Variants in PRDM5 observed in about 807,000 individuals in gnomAD.
The protein encoded by PRDM5 is PR/SET domain 5.
In PRDM5, 56 loss-of-function variants were observed where a neutral mutation model predicts 81.2. The observed-to-expected ratio is 0.69, with a 90% CI of 0.56 to 0.86. The LOEUF (loss-of-function observed/expected upper bound fraction) is 0.86, where lower values mean the gene tolerates loss of function less well. Ranked by LOEUF, PRDM5 falls within the 40% of genes least tolerant of loss-of-function variation. The probability of loss-of-function intolerance (pLI) is 0.00; values close to 1 mark genes in which losing one functional copy is unlikely to be tolerated. For missense variants in PRDM5, 697 were observed against 770.1 expected (o/e 0.91, Z 1.12); for synonymous variants, 267 against 256.4 (o/e 1.04, Z -0.39).
At chr4:120,848,875 G>A (rs540542720) in intron 3 of PRDM5, among the ~76,000 whole-genome samples, 13 of 152,106 alleles carry the variant, frequency 8.5e-5, no homozygotes, top group African/African-American at 2.9e-4. Flanking sequence ...AGACCTTACT[G>A]GAAGATAACC....
intron 8 of PRDM5, among the ~76,000 whole-genome samples, chr4:120,802,464 G>A (rs1023324187): frequency 6.6e-6 from 1 of 152,218 alleles, no homozygotes; most frequent in African/African-American, 2.4e-5. Context: ...GCCAATAGGG[G>A]CAGACTGACA....
chr4:120,755,123 G>A (rs1744539511), intron 13 of PRDM5, among the ~76,000 whole-genome samples: 1 of 152,124 alleles, frequency 6.6e-6, no homozygotes, highest in South Asian at 2.1e-4. Flanking sequence ...CATAAAATTG[G>A]TATATGTTCA....
chr4:120,782,804 G>A (rs1044653331), intron 11 of PRDM5, among the ~76,000 whole-genome samples: 1 of 152,018 alleles, frequency 6.6e-6, no homozygotes, highest in Non-Finnish European at 1.5e-5. Flanking sequence ...TTCAGGTACT[G>A]AAAGAGATCT....
At chr4:120,890,988 T>C (rs982002202) in intron 2 of PRDM5, among the ~76,000 whole-genome samples, 3 of 152,216 alleles carry the variant, frequency 2.0e-5, no homozygotes, top group African/African-American at 4.8e-5. Context: ...TAGGCCCCAT[T>C]TGTCAATTTT....
At chr4:120,784,689 A>T (rs1252365638) in intron 11 of PRDM5, among the ~76,000 whole-genome samples, 1 of 152,200 alleles carries the variant, frequency 6.6e-6, no homozygotes, top group East Asian at 1.9e-4. Flanking sequence ...AAACAAAATC[A>T]TGTGTCAAAA....
chr4:120,689,078 G>A (rs144408809), downstream of PRDM5, among the ~76,000 whole-genome samples: 2 of 152,040 alleles, frequency 1.3e-5, no homozygotes, highest in African/African-American at 2.4e-5. Context: ...GATGCAACTC[G>A]GGTCAGATCT....
At chr4:120,909,227 C>G (rs1490228660) in intron 1 of PRDM5, among the ~76,000 whole-genome samples, 1 of 152,142 alleles carries the variant, frequency 6.6e-6, no homozygotes, top group South Asian at 2.1e-4. Context: ...TCCACTTCAC[C>G]AAGCCAACAC....
chr4:120,710,206 AACACACACACACAGACAC>A, intron 15 of PRDM5, 85 bp downstream of exon 15: 1 of 951,188 alleles, frequency 1.1e-6, no homozygotes, highest in Non-Finnish European at 1.6e-6. Context: ...CCAGCAATGC[AACACACACACACAGACAC>A]ACACACACAC....
At chr4:120,885,983 A>G (rs1286572957) in intron 2 of PRDM5, among the ~76,000 whole-genome samples, 1 of 152,170 alleles carries the variant, frequency 6.6e-6, no homozygotes, top group Non-Finnish European at 1.5e-5. Context: ...TGGCTGGCAT[A>G]TTTAGGTAGG....
At chr4:120,688,136 A>C (rs1341088098), downstream of PRDM5, among the ~76,000 whole-genome samples, 1 of 151,826 alleles carries the variant, frequency 6.6e-6, no homozygotes, top group Admixed American at 6.6e-5. Context: ...ATCCTCATCA[A>C]TGGTTGTTAT....
At chr4:120,829,555 C>T (rs1468070297) in intron 3 of PRDM5, among the ~76,000 whole-genome samples, 1 of 152,014 alleles carries the variant, frequency 6.6e-6, no homozygotes, top group Admixed American at 6.6e-5. Context: ...AATACTAGTC[C>T]CCACTGTGTG....
intron 3 of PRDM5, among the ~76,000 whole-genome samples, chr4:120,847,513 G>A (rs1224337736): frequency 6.6e-6 from 1 of 152,092 alleles, no homozygotes; most frequent in Non-Finnish European, 1.5e-5. Flanking sequence ...CTTCAATCAA[G>A]TTTTCCCTGG....
intron 14 of PRDM5, among the ~76,000 whole-genome samples, chr4:120,717,490 AT>A (rs928386558): frequency 2.0e-5 from 3 of 152,306 alleles, no homozygotes; most frequent in African/African-American, 4.8e-5. Context: ...CAAATGTTAC[AT>A]TTTTTTGATA....
At chr4:120,717,288 T>C (rs1737935267) in intron 14 of PRDM5, among the ~76,000 whole-genome samples, 1 of 152,166 alleles carries the variant, frequency 6.6e-6, no homozygotes, top group African/African-American at 2.4e-5. Flanking sequence ...ATTTGTCAGT[T>C]AAACTGTGTA....
chr4:120,869,552 A>G (rs1246161258), intron 2 of PRDM5, among the ~76,000 whole-genome samples: 1 of 152,212 alleles, frequency 6.6e-6, no homozygotes, highest in Admixed American at 6.5e-5. Flanking sequence ...CTGCTCATAA[A>G]GACACTCATA....
rs550461470 is a variant in PRDM5 at position 120,703,762 on chromosome 4, G to A, written c.1728+6547C>T. 3.5e-4 allele frequency among the ~76,000 whole-genome samples: 54 copies of A among 152,152 alleles called. 1 individual carries two copies. In the South Asian group the frequency reaches 5.0e-3, roughly 14 times the overall value. ...ACAAAAGGTTACCTAGGTTTCCCAG[G>A]TTCAAAGAACTAGGTGGTGTTTCCA... On this transcript the variant is annotated intron_variant, in intron 15 of 15. Transcript: ENST00000264808.
intron 1 of PRDM5, among the ~76,000 whole-genome samples, chr4:120,917,691 A>T (rs937770513): frequency 7.9e-5 from 12 of 152,148 alleles, no homozygotes; most frequent in Middle Eastern, 6.8e-3. Flanking sequence ...AAAAAAAAAA[A>T]AAAACAGAGC....
At chr4:120,772,951 C>A (rs1461834031) in intron 13 of PRDM5, among the ~76,000 whole-genome samples, 1 of 152,138 alleles carries the variant, frequency 6.6e-6, no homozygotes, top group Non-Finnish European at 1.5e-5. Flanking sequence ...GCCTTCACAG[C>A]CACAAAATCA....
intron 2 of PRDM5, among the ~76,000 whole-genome samples, chr4:120,866,264 T>C (rs1761190496): frequency 6.6e-6 from 1 of 152,210 alleles, no homozygotes; most frequent in Non-Finnish European, 1.5e-5. Context: ...ATCCACTGCC[T>C]GGAGCAGGGG....
Sources: allele counts gnomAD v4.1 joint callset (sites outside exome capture counted in the v4.1 genomes callset), GRCh38; gene constraint gnomAD v4.1.1; transcripts MANE v1.5; gene names NCBI Gene and HGNC (gene_info 2026-07-23, HGNC 2026-07-21).